The following RABGAP1L variants were observed in gnomAD, a reference collection of about 807,000 sequenced individuals.
The protein encoded by RABGAP1L is rab GTPase-activating protein 1-like.
A neutral mutation model predicts 137.7 loss-of-function variants in RABGAP1L; 63 were observed. The ratio of observed to expected loss-of-function variants is 0.46; its 90% CI spans 0.37 to 0.56. RABGAP1L has a LOEUF of 0.56. RABGAP1L is among the 20% of genes least tolerant of loss of function. RABGAP1L has a pLI of 0.00. For synonymous variants in RABGAP1L, 431 were observed against 433.7 expected (o/e 0.99, Z 0.08); for missense variants, 1,095 against 1,244.0 (o/e 0.88, Z 1.80).
intron 13 of RABGAP1L, among the ~76,000 whole-genome samples, chr1:174,436,051 A>G (rs1016453087): frequency 6.6e-5 from 10 of 152,020 alleles, no homozygotes; most frequent in Non-Finnish European, 8.8e-5. Flanking sequence ...AATCTAGTCT[A>G]TCATTGTTGG....
chr1:174,490,815 C>T (rs887851081), intron 13 of RABGAP1L, among the ~76,000 whole-genome samples: 1 of 152,086 alleles, frequency 6.6e-6, no homozygotes, highest in African/African-American at 2.4e-5. Flanking sequence ...CCTCCTCTTT[C>T]CACAAGCAGA....
intron 13 of RABGAP1L, among the ~76,000 whole-genome samples, chr1:174,624,931 C>T (rs1032387887): frequency 2.7e-5 from 4 of 147,722 alleles, no homozygotes; most frequent in African/African-American, 5.0e-5. Flanking sequence ...AGTGCAGTGG[C>T]GCAGTCTTGG....
At chr1:174,855,631 C>G (rs1011073732) in intron 19 of RABGAP1L, among the ~76,000 whole-genome samples, 1 of 152,154 alleles carries the variant, frequency 6.6e-6, no homozygotes, top group African/African-American at 2.4e-5. Flanking sequence ...AGTAAGCATT[C>G]CACTTCTATG....
chr1:174,635,231 TTC>T (rs1403372078), intron 13 of RABGAP1L, among the ~76,000 whole-genome samples: 3 of 152,144 alleles, frequency 2.0e-5, no homozygotes, highest in African/African-American at 7.2e-5. Flanking sequence ...GTCCAACGAT[TTC>T]TCTCTCTTAA....
chr1:174,841,797 T>G (rs1217434947), intron 19 of RABGAP1L, among the ~76,000 whole-genome samples: 1 of 151,562 alleles, frequency 6.6e-6, no homozygotes, highest in East Asian at 1.9e-4. Flanking sequence ...CTAGGAAAAT[T>G]GAAAAAATAA....
At chr1:174,856,732 G>T (rs1649372892) in intron 19 of RABGAP1L, among the ~76,000 whole-genome samples, 2 of 152,016 alleles carry the variant, frequency 1.3e-5, no homozygotes, top group African/African-American at 4.8e-5. Context: ...TTTGAAACCA[G>T]ACTGGCCAAC....
intron 13 of RABGAP1L, among the ~76,000 whole-genome samples, chr1:174,596,883 T>C (rs1669977974): frequency 6.6e-6 from 1 of 152,204 alleles, no homozygotes. Context: ...AGTATGTTTC[T>C]TCTCTATCCA....
intron 13 of RABGAP1L, among the ~76,000 whole-genome samples, chr1:174,517,966 A>G (rs1042929217): frequency 2.0e-5 from 3 of 152,198 alleles, no homozygotes; most frequent in African/African-American, 7.2e-5. Flanking sequence ...TCTGGTGTCA[A>G]TGGATACAGA....
chr1:174,326,293 C>G (rs1680436249), intron 11 of RABGAP1L, among the ~76,000 whole-genome samples: 1 of 152,118 alleles, frequency 6.6e-6, no homozygotes, highest in Non-Finnish European at 1.5e-5. Flanking sequence ...GAGTAAAACT[C>G]AGTGAACTTC....
At chr1:174,485,638 C>T (rs564639594) in intron 13 of RABGAP1L, among the ~76,000 whole-genome samples, 1 of 152,318 alleles carries the variant, frequency 6.6e-6, no homozygotes, top group Admixed American at 6.5e-5. Context: ...TGATGTATCA[C>T]ATTTATTGAT....
chr1:174,751,466 A>T (rs1430533813), intron 17 of RABGAP1L, among the ~76,000 whole-genome samples: 1 of 152,250 alleles, frequency 6.6e-6, no homozygotes, highest in African/African-American at 2.4e-5. Flanking sequence ...TATGGGACTT[A>T]TGCCAACTCA....
At chr1:174,864,650 C>T (rs1485754727) in intron 19 of RABGAP1L, among the ~76,000 whole-genome samples, 1 of 152,192 alleles carries the variant, frequency 6.6e-6, no homozygotes, top group African/African-American at 2.4e-5. Flanking sequence ...TGAGGTCCCT[C>T]CCCCAACATA....
chr1:174,956,966 G>T (rs1668600165), intron 19 of RABGAP1L, among the ~76,000 whole-genome samples: 1 of 152,028 alleles, frequency 6.6e-6, no homozygotes, highest in South Asian at 2.1e-4. Flanking sequence ...AATATTTCTT[G>T]TAGCTCAATT....
chr1:174,537,945 C>G (rs144760895), intron 13 of RABGAP1L, among the ~76,000 whole-genome samples: 157 of 152,214 alleles, frequency 1.0e-3, no homozygotes, highest in African/African-American at 3.6e-3. Flanking sequence ...CTTAGTCCAC[C>G]TTTTAAAAAT....
chr1:174,349,808 C>T (rs7546558), intron 11 of RABGAP1L, among the ~76,000 whole-genome samples: 18,482 of 100,724 alleles, frequency 0.18, 631 homozygotes, highest in African/African-American at 0.3. Context: ...TAGGGGCGGC[C>T]GGGCAGAGGC....
chr1:174,224,937 C>CT (rs879383669), intron 3 of RABGAP1L, among the ~76,000 whole-genome samples: 26 of 148,152 alleles, frequency 1.8e-4, no homozygotes, highest in African/African-American at 3.0e-4. Flanking sequence ...TTGAGTTTAT[C>CT]TTTTTTTTTT....
intron 1 of RABGAP1L, among the ~76,000 whole-genome samples, chr1:174,190,171 C>T (rs12058498): frequency 0.031 from 4,640 of 152,004 alleles, 229 homozygotes; most frequent in African/African-American, 0.1. Context: ...GGCATGGTGG[C>T]GTGCACCTGT....
chr1:174,204,777 T>A (rs992236608), intron 1 of RABGAP1L, among the ~76,000 whole-genome samples: 1 of 152,212 alleles, frequency 6.6e-6, no homozygotes, highest in African/African-American at 2.4e-5. Flanking sequence ...GAGTGAGTTC[T>A]CACAAGATCT....
At chr1:174,411,624 G>A (rs1004037349) in intron 13 of RABGAP1L, among the ~76,000 whole-genome samples, 1 of 151,926 alleles carries the variant, frequency 6.6e-6, no homozygotes, top group African/African-American at 2.4e-5. Context: ...AGGGATATTG[G>A]GCTAAGTTTT....
Sources: allele counts gnomAD v4.1 joint callset (sites outside exome capture counted in the v4.1 genomes callset), GRCh38; gene constraint gnomAD v4.1.1; transcripts MANE v1.5; gene names NCBI Gene and HGNC (gene_info 2026-07-23, HGNC 2026-07-21).